Variants in RBM47 observed in about 807,000 individuals in gnomAD.
RBM47 encodes the protein RNA-binding protein 47.
Under a neutral mutation model 47.1 loss-of-function variants are expected in RBM47, and 21 were observed. The ratio of observed to expected loss-of-function variants is 0.45; its 90% CI spans 0.32 to 0.64. The LOEUF (loss-of-function observed/expected upper bound fraction) is 0.64, where lower values mean the gene tolerates loss of function less well. RBM47 is among the 30% of genes least tolerant of loss of function. The pLI is 0.05. For synonymous variants in RBM47, 375 were observed against 361.7 expected (o/e 1.04, Z -0.42); for missense variants, 708 against 870.9 (o/e 0.81, Z 2.35).
At chr4:40,569,932 G>A (rs1023565389) in intron 1 of RBM47, among the ~76,000 whole-genome samples, 2 of 141,168 alleles carry the variant, frequency 1.4e-5, no homozygotes, top group Non-Finnish European at 3.1e-5. Flanking sequence ...GGCTGGTCTC[G>A]AACTCCTGTC....
Position 40,461,281 on chromosome 4 carries a change from A to G in RBM47, c.-32+5296T>C, listed in dbSNP as rs16851453. The stretch of plus-strand genomic sequence containing the variant: ...ATTTCAATTAAAAAACTAATACATC[A>G]GTAAAAACGCCCAGATTTGAGCTAA... On this transcript the variant is annotated intron_variant, in intron 3 of 6. Coordinates refer to ENST00000295971, the MANE Select transcript of RBM47 (RefSeq NM_001098634.2). Among the ~76,000 whole-genome samples the G allele has an allele frequency of 9.5e-3, 1,446 of 152,290 alleles. 32 individuals carry two copies. Among genetic ancestry groups the G allele is most frequent in the African/African-American group, 0.033 (1,389 of 41,558 alleles).
At chr4:40,541,327 G>A (rs1728519590) in intron 2 of RBM47, among the ~76,000 whole-genome samples, 1 of 151,822 alleles carries the variant, frequency 6.6e-6, no homozygotes, top group Admixed American at 6.6e-5. Flanking sequence ...AGCTTGAGAA[G>A]GCCAGTTCCA....
intron 2 of RBM47, among the ~76,000 whole-genome samples, chr4:40,496,809 G>A (rs759165798): frequency 7.2e-5 from 11 of 152,142 alleles, no homozygotes; most frequent in Non-Finnish European, 1.2e-4. Context: ...GGAGGCAAAG[G>A]TGGGTGGATC....
intron 2 of RBM47, among the ~76,000 whole-genome samples, chr4:40,500,197 C>T (rs913220689): frequency 6.6e-6 from 1 of 152,120 alleles, no homozygotes; most frequent in African/African-American, 2.4e-5. Context: ...CCTGTAATCC[C>T]AGCTACTTAG....
chr4:40,483,340 T>C (rs1186411684), intron 2 of RBM47, among the ~76,000 whole-genome samples: 1 of 152,098 alleles, frequency 6.6e-6, no homozygotes, highest in Non-Finnish European at 1.5e-5. Context: ...CCCCGAAGAT[T>C]GGATGGTGAC....
intron 1 of RBM47, among the ~76,000 whole-genome samples, chr4:40,569,973 A>C (rs988628587): frequency 6.6e-6 from 1 of 152,018 alleles, no homozygotes; most frequent in Admixed American, 6.6e-5. Flanking sequence ...TGGCCTCCCA[A>C]AGTGCTGGGA....
At chr4:40,545,587 T>C (rs1728953544) in intron 1 of RBM47, among the ~76,000 whole-genome samples, 1 of 148,930 alleles carries the variant, frequency 6.7e-6, no homozygotes, top group South Asian at 2.1e-4. Context: ...CTGCTTGAAC[T>C]CGGGAGGCGG....
intron 1 of RBM47, among the ~76,000 whole-genome samples, chr4:40,603,116 T>C (rs564381588): frequency 6.6e-6 from 1 of 152,314 alleles, no homozygotes; most frequent in Admixed American, 6.5e-5. Flanking sequence ...GTCCTACATA[T>C]AGTCATCGCC....
At chr4:40,456,020 A>G (rs1373000068) in intron 3 of RBM47, among the ~76,000 whole-genome samples, 1 of 152,220 alleles carries the variant, frequency 6.6e-6, no homozygotes, top group African/African-American at 2.4e-5. Flanking sequence ...TACCTTCTAC[A>G]TTTATGTGAG....
At chr4:40,619,686 C>A (rs1737075791) in intron 1 of RBM47, among the ~76,000 whole-genome samples, 1 of 152,180 alleles carries the variant, frequency 6.6e-6, no homozygotes, top group Non-Finnish European at 1.5e-5. Flanking sequence ...CCATCAAACA[C>A]CTTCAGCCCC....
chr4:40,609,121 T>G (rs971059085), intron 1 of RBM47, among the ~76,000 whole-genome samples: 1 of 152,014 alleles, frequency 6.6e-6, no homozygotes, highest in Non-Finnish European at 1.5e-5. Flanking sequence ...GCCTCCTGAG[T>G]AGCTGGGATT....
chr4:40,530,212 A>C (rs1727256651), intron 2 of RBM47, among the ~76,000 whole-genome samples: 2 of 152,180 alleles, frequency 1.3e-5, no homozygotes, highest in Non-Finnish European at 2.9e-5. Flanking sequence ...CTGGGATTAC[A>C]GGTGTGAGGC....
intron 1 of RBM47, among the ~76,000 whole-genome samples, chr4:40,594,868 ATTATT>A (rs1379921863): frequency 1.3e-5 from 2 of 152,056 alleles, no homozygotes; most frequent in East Asian, 1.9e-4. Flanking sequence ...TCTATGGTTT[ATTATT>A]TTATTTCATG....
rs747039241 is a variant in RBM47 at position 40,436,423 on chromosome 4, A to G, written c.1330+18T>C. ...GTTTATGCTGAATGGGAGCATTCTC[A>G]ATCTGCTTCATACTGACCTGTACCA... On this transcript the variant is annotated intron_variant, in intron 5 of 6. Coordinates refer to ENST00000295971, the MANE Select transcript of RBM47 (RefSeq NM_001098634.2). 10 of 1,609,382 alleles carry G rather than the reference A, an allele frequency of 6.2e-6. No homozygotes were observed. The highest frequency in any genetic ancestry group is 8.5e-6 in the Non-Finnish European group (10 of 1,177,928).
At chr4:40,474,921 A>G (rs939298545) in intron 2 of RBM47, among the ~76,000 whole-genome samples, 16 of 152,220 alleles carry the variant, frequency 1.1e-4, no homozygotes, top group African/African-American at 3.9e-4. Context: ...TTTTCTTTAA[A>G]AGATTAGCTT....
chr4:40,567,688 C>A (rs375890602), intron 1 of RBM47, among the ~76,000 whole-genome samples: 2 of 151,894 alleles, frequency 1.3e-5, no homozygotes, highest in East Asian at 1.9e-4. Flanking sequence ...TCCACAAAAA[C>A]CAAAGAAATG....
intron 1 of RBM47, among the ~76,000 whole-genome samples, chr4:40,591,863 C>T (rs1734171849): frequency 6.6e-6 from 1 of 152,074 alleles, no homozygotes; most frequent in South Asian, 2.1e-4. Flanking sequence ...AGACATATGG[C>T]AGAAAGAGCA....
chr4:40,451,332 A>T (rs1288202902), intron 3 of RBM47, among the ~76,000 whole-genome samples: 1 of 152,186 alleles, frequency 6.6e-6, no homozygotes, highest in Non-Finnish European at 1.5e-5. Context: ...AGACAAAACA[A>T]CAGCTACCAT....
At chr4:40,592,200 ATTAAC>A (rs1734209556) in intron 1 of RBM47, among the ~76,000 whole-genome samples, 1 of 151,858 alleles carries the variant, frequency 6.6e-6, no homozygotes, top group Non-Finnish European at 1.5e-5. Flanking sequence ...GTTTGCAATT[ATTAAC>A]TTATTTTCCT....
Sources: gnomAD v4.1 joint callset for allele counts (sites outside exome capture counted in the v4.1 genomes callset) on GRCh38, gnomAD v4.1.1 for gene constraint, MANE v1.5 for transcripts, NCBI Gene and HGNC (gene_info 2026-07-23, HGNC 2026-07-21) for gene names.